Variants in ENOSF1 observed in about 807,000 individuals in gnomAD.
ENOSF1 encodes the protein enolase superfamily member 1.
In ENOSF1, 73 loss-of-function variants were observed where a neutral mutation model predicts 68.2. The ratio of observed to expected loss-of-function variants is 1.07; its 90% CI spans 0.89 to 1.30. The LOEUF (loss-of-function observed/expected upper bound fraction) is 1.30. Ranked by LOEUF, ENOSF1 falls within the 50% of genes most tolerant of loss-of-function variation. The pLI is 0.00. For missense variants in ENOSF1, 589 were observed against 554.5 expected (o/e 1.06, Z -0.62); for synonymous variants, 223 against 210.4 (o/e 1.06, Z -0.52).
At chr18:665,107 T>G in the ENOSF1 span, among the ~76,000 whole-genome samples, 1 of 151,938 alleles carries the variant, frequency 6.6e-6, no homozygotes, top group Non-Finnish European at 1.5e-5. Flanking sequence ...CAGTTCCTCT[T>G]TGTACCTCTG....
At chr18:690,955 T>A in intron 7 of ENOSF1, 113 bp downstream of exon 7, 1 of 1,294,750 alleles carries the variant, frequency 7.7e-7, no homozygotes, top group South Asian at 1.3e-5. Context: ...TTTGAGGGCC[T>A]AGCTGCTCAG....
rs565997096 is a variant in ENOSF1, at chr18:680,590, A to G, written c.877-1853T>C. On this transcript the variant is annotated intron_variant, in intron 11 of 15. Coordinates refer to ENST00000647584, the MANE Select transcript of ENOSF1 (RefSeq NM_017512.7). ...CTGGGTTTCTCCCTGCCCATTCCTC[A>G]CCTCCCACACACCCTCTGTCTCAAT... Among the ~76,000 whole-genome samples the G allele has an allele frequency of 7.8e-5, 11 of 141,760 alleles. No homozygotes were observed. The East Asian group carries it at 2.3e-3, about 29-fold the overall frequency. The allele number at this position is 141,760 out of a possible 152,430, so 93.0% of individuals were successfully genotyped here. A position where few individuals can be genotyped will look rare whatever the true frequency, so the allele number is the denominator to read the frequency against.
chr18:703,462 C>T (rs2078593404), intron 2 of ENOSF1, among the ~76,000 whole-genome samples: 1 of 152,156 alleles, frequency 6.6e-6, no homozygotes, highest in African/African-American at 2.4e-5. Flanking sequence ...TGGAGAAAGG[C>T]AGCGGCTTCA....
intron 9 of ENOSF1, chr18:686,922 AGGGT>A (rs1245344330): frequency 1.3e-5 from 2 of 152,232 alleles, no homozygotes; most frequent in Non-Finnish European, 2.9e-5. Context: ...TGCTCCAGAG[AGGGT>A]GGCTGGCCTT....
chr18:699,978 G>A (rs1287436088), intron 2 of ENOSF1, among the ~76,000 whole-genome samples: 1 of 152,212 alleles, frequency 6.6e-6, no homozygotes, highest in Non-Finnish European at 1.5e-5. Context: ...TACTTGGGAA[G>A]CGGAGGGAGG....
intron 2 of ENOSF1, among the ~76,000 whole-genome samples, chr18:705,474 C>T (rs1290951982): frequency 6.6e-6 from 1 of 152,160 alleles, no homozygotes; most frequent in Non-Finnish European, 1.5e-5. Flanking sequence ...GTTTTCTTCT[C>T]TCTAAAAAAT....
intron 11 of ENOSF1, among the ~76,000 whole-genome samples, chr18:679,474 G>A (rs1249438679): frequency 1.3e-5 from 2 of 151,766 alleles, no homozygotes; most frequent in South Asian, 2.1e-4. Context: ...CTCCCAAAGT[G>A]TTGGGATTAC....
At position 674,370 on chromosome 18, in the gene ENOSF1, C is replaced by T. The variant is rs2075251520; in HGVS notation, c.1267G>A (p.Val423Ile). The T allele has an allele frequency of 6.2e-7, 1 of 1,612,828 alleles. No homozygotes were observed. The change falls in exon 16 of 16, where the codon GTA becomes ATA. Residue 423 changes from valine (V) to isoleucine (I), a missense_variant. Val to Ile is a conservative substitution (Grantham distance 29). Transcript: ENST00000647584. ...CCATCTGGATACTGGTGTTTCTTTA[C>T]AGATTCCTCCTTCATTTCTGTTGAG... The part of the protein sequence containing the change: ...GYSTEMKEES[V>I]KKHQYPDGEV...
At chr18:664,854 C>A in the ENOSF1 span, among the ~76,000 whole-genome samples, 2 of 139,208 alleles carry the variant, frequency 1.4e-5, no homozygotes, top group Admixed American at 1.4e-4. Flanking sequence ...AGCCTTGCAT[C>A]CCAGGGATGA....
chr18:701,592 T>C (rs2078347910), intron 2 of ENOSF1, among the ~76,000 whole-genome samples: 1 of 151,328 alleles, frequency 6.6e-6, no homozygotes, highest in African/African-American at 2.4e-5. Context: ...CCATCTCTAC[T>C]AAAAATAAAA....
rs1476319529 is a variant in ENOSF1, at chr18:694,326, T to C, written c.318A>G (p.Pro106=). The change falls in exon 4 of 16, where the codon CCA becomes CCG. Residue 106 remains proline (P), a synonymous_variant. Transcript: ENST00000647584. ...TCGCCAGGTGCACCACGCCCTTTTC[T>C]GGACCAATCTGGTTAGGAAGCAAAG... ...TSDGQLRWIG[P]EKGVVHLATA... is the part of the protein sequence containing the mutation. The C allele has an allele frequency of 6.2e-7, 1 of 1,614,134 alleles. No homozygotes were observed. The highest frequency in any genetic ancestry group is 8.5e-7 in the Non-Finnish European group (1 of 1,180,038).
chr18:711,042 C>T (rs1477027234), intron 1 of ENOSF1, among the ~76,000 whole-genome samples: 1 of 152,108 alleles, frequency 6.6e-6, no homozygotes, highest in African/African-American at 2.4e-5. Context: ...TCATGGTGCA[C>T]ACCTGTAGTC....
chr18:687,827 G>C (rs1273161051), intron 9 of ENOSF1: 1 of 152,666 alleles, frequency 6.6e-6, no homozygotes. Flanking sequence ...TTGGGAACTG[G>C]GACCTCTGGC....
chr18:710,107 A>C (rs1328035596), intron 1 of ENOSF1, among the ~76,000 whole-genome samples: 11 of 152,168 alleles, frequency 7.2e-5, no homozygotes, highest in Non-Finnish European at 1.6e-4. Context: ...ATTATTCTAC[A>C]GTAAACCAGG....
chr18:696,506 C>G (rs750055169), intron 3 of ENOSF1, among the ~76,000 whole-genome samples: 36 of 152,102 alleles, frequency 2.4e-4, no homozygotes, highest in Admixed American at 1.6e-3. Flanking sequence ...CCACCGCGCC[C>G]GGCCTGACCT....
chr18:699,461 G>A (rs1367549617), intron 2 of ENOSF1, among the ~76,000 whole-genome samples: 2 of 144,790 alleles, frequency 1.4e-5, no homozygotes, highest in South Asian at 4.5e-4. Context: ...CTAGGTGACA[G>A]AGCTGGGCCC....
intron 5 of ENOSF1, chr18:693,321 T>C: frequency 8.3e-7 from 1 of 1,211,454 alleles, no homozygotes; most frequent in Non-Finnish European, 1.1e-6. Context: ...GGATAGTATC[T>C]TTTCTTTTTT....
intron 1 of ENOSF1, among the ~76,000 whole-genome samples, chr18:709,998 T>C (rs141556015): frequency 2.2e-4 from 33 of 152,264 alleles, no homozygotes; most frequent in African/African-American, 7.9e-4. Flanking sequence ...CAAGATAAAA[T>C]GCTTAAGTAT....
At chr18:688,952 C>G (rs550976619) in intron 8 of ENOSF1, among the ~76,000 whole-genome samples, 1 of 152,304 alleles carries the variant, frequency 6.6e-6, no homozygotes, top group African/African-American at 2.4e-5. Context: ...GCCAGCCTCT[C>G]TCTCCACTCT....
Sources: gnomAD v4.1 joint callset for allele counts (sites outside exome capture counted in the v4.1 genomes callset) on GRCh38, gnomAD v4.1.1 for gene constraint, MANE v1.5 for transcripts, NCBI Gene and HGNC (gene_info 2026-07-23, HGNC 2026-07-21) for gene names.